HPF1: variants seen among roughly 807,000 people sequenced by gnomAD.
The protein encoded by HPF1 is histone PARylation factor 1.
In HPF1, 35 loss-of-function variants were observed where a neutral mutation model predicts 38.8. That is an observed-to-expected ratio of 0.90 (90% CI 0.69 to 1.19). The LOEUF is 1.19. Among genes scored for constraint, HPF1 ranks in the 50% most tolerant of loss-of-function variants. The pLI, the probability that HPF1 is intolerant of heterozygous loss-of-function variation, is 0.00. For missense variants in HPF1, 367 were observed against 405.8 expected (o/e 0.90, Z 0.82); for synonymous variants, 115 against 139.2 (o/e 0.83, Z 1.22).
intron 5 of HPF1, among the ~76,000 whole-genome samples, chr4:169,740,882 G>A (rs1733960675): frequency 6.6e-6 from 1 of 152,164 alleles, no homozygotes; most frequent in African/African-American, 2.4e-5. Context: ...TTTGCTAACA[G>A]CTATTATGTG....
At chr4:169,744,032 T>G (rs1734013662) in intron 4 of HPF1, among the ~76,000 whole-genome samples, 1 of 152,216 alleles carries the variant, frequency 6.6e-6, no homozygotes, top group Non-Finnish European at 1.5e-5. Context: ...ACGGTTACAC[T>G]AAATCTTACC....
At chr4:169,754,904 T>C (rs1734166958) in intron 1 of HPF1, among the ~76,000 whole-genome samples, 1 of 151,918 alleles carries the variant, frequency 6.6e-6, no homozygotes, top group African/African-American at 2.4e-5. Flanking sequence ...ATGTTTCTCA[T>C]ATTTATATAT....
intron 4 of HPF1, 57 bp downstream of exon 4, chr4:169,748,687 G>T: frequency 3.6e-6 from 3 of 832,650 alleles, no homozygotes; most frequent in Non-Finnish European, 5.6e-6. Flanking sequence ...AACCCCCTTT[G>T]TAATGGACTA....
intron 4 of HPF1, among the ~76,000 whole-genome samples, chr4:169,748,264 G>A (rs1412383953): frequency 6.6e-6 from 1 of 152,112 alleles, no homozygotes; most frequent in Admixed American, 6.6e-5. Context: ...CATAAGAGGT[G>A]TATTTTTTTG....
chr4:169,732,081 G>GC, intron 6 of HPF1: 1 of 456,684 alleles, frequency 2.2e-6, no homozygotes, highest in Non-Finnish European at 3.9e-6. Context: ...CTTAAAAACA[G>GC]GTTAACAAGT....
chr4:169,731,971 T>C (rs1213315061), intron 6 of HPF1, 95 bp from the exon 7 acceptor site: 4 of 1,012,394 alleles, frequency 4.0e-6, no homozygotes, highest in Non-Finnish European at 5.9e-6. Context: ...TTTTTCCTCC[T>C]AAGACTTTGT....
At chr4:169,742,692 T>C (rs1733990497) in intron 4 of HPF1, among the ~76,000 whole-genome samples, 1 of 152,136 alleles carries the variant, frequency 6.6e-6, no homozygotes, top group Non-Finnish European at 1.5e-5. Flanking sequence ...CTTGGGAGGC[T>C]GAGGCAGGAG....
At chr4:169,731,543 A>T (rs1581311124) in intron 7 of HPF1, among the ~76,000 whole-genome samples, 161 bp downstream of exon 7, 1 of 152,204 alleles carries the variant, frequency 6.6e-6, no homozygotes. Context: ...GTTAAAAAAA[A>T]TCACTTCAAA....
At chr4:169,738,740 C>T (rs1463611457) in intron 5 of HPF1, among the ~76,000 whole-genome samples, 1 of 152,132 alleles carries the variant, frequency 6.6e-6, no homozygotes, top group East Asian at 1.9e-4. Flanking sequence ...AGATAATCTG[C>T]AGCTGGATTT....
At chr4:169,757,261 GT>G (rs887456180) in intron 1 of HPF1, among the ~76,000 whole-genome samples, 1 of 152,122 alleles carries the variant, frequency 6.6e-6, no homozygotes, top group African/African-American at 2.4e-5. Context: ...ATCTCCTACA[GT>G]TTTATGTCTC....
chr4:169,750,490 A>G, intron 3 of HPF1, 46 bp downstream of exon 3: 1 of 1,383,012 alleles, frequency 7.2e-7, no homozygotes, highest in Non-Finnish European at 1.0e-6. Context: ...TATCCTCATT[A>G]GCAGGACAGC....
rs1255888093 is a variant in HPF1, at chr4:169,729,715, A to G, written c.910-6T>C. The G allele has an allele frequency of 6.7e-7, 1 of 1,488,728 alleles. No individual in the cohort carries two copies. The highest frequency in any genetic ancestry group is 2.5e-5 in the East Asian group (1 of 40,190). The allele number at this position is 1,488,728 out of a possible 1,614,324, so 92.2% of individuals were successfully genotyped here. ...CCAGCAACTTTATGAAAATACTGAA[A>G]AATAAAAATATAACATTAAGCAGAG... On this transcript the variant is annotated splice_polypyrimidine_tract_variant and splice_region_variant and intron_variant, in intron 7 of 7. Coordinates refer to ENST00000393381, the MANE Select transcript of HPF1 (RefSeq NM_017867.3).
chr4:169,743,480 GA>G (rs1241753923), intron 4 of HPF1, among the ~76,000 whole-genome samples: 3 of 133,724 alleles, frequency 2.2e-5, no homozygotes, highest in Non-Finnish European at 3.1e-5. Context: ...AAGGTCGATA[GA>G]TTTTTTTTTT....
intron 1 of HPF1, 26 bp from the exon 2 acceptor site, chr4:169,753,861 T>G: frequency 6.3e-7 from 1 of 1,586,112 alleles, no homozygotes; most frequent in Non-Finnish European, 8.6e-7. Flanking sequence ...CAAACTTTAG[T>G]TCTCCAAATT....
At chr4:169,733,948 T>C (rs1733862857) in intron 6 of HPF1, among the ~76,000 whole-genome samples, 1 of 151,514 alleles carries the variant, frequency 6.6e-6, no homozygotes, top group Admixed American at 6.6e-5. Flanking sequence ...TACTATATAC[T>C]AGTGCTTTTA....
In HPF1 at chr4:169,750,689, C is replaced by G. The variant is rs188833461; in HGVS notation, c.245G>C (p.Gly82Ala). 12 of 1,612,688 alleles carry G rather than the reference C, an allele frequency of 7.4e-6. No individual in the cohort carries two copies. The African/African-American group carries it at 1.2e-4, about 16-fold the overall frequency. ...TTTTCCAGCAAGGATATCATAAGGA[C>G]CAACTAATTGAAGTCCAAGGCTTGC... ...LSASLGLQLV[G>A]PYDILAGKHK... Residue 82 changes from glycine to alanine, a missense_variant, in exon 3 of 8, where the codon GGT becomes GCT. Physicochemically the swap from Gly to Ala is moderately conservative, Grantham distance 60. Transcript: ENST00000393381.
intron 3 of HPF1, among the ~76,000 whole-genome samples, chr4:169,750,060 T>C (rs1432520929): frequency 1.3e-5 from 2 of 152,262 alleles, no homozygotes; most frequent in African/African-American, 4.8e-5. Context: ...GTATTCTGCA[T>C]GCATTCATTT....
At chr4:169,747,398 G>A (rs890256558) in intron 4 of HPF1, among the ~76,000 whole-genome samples, 7 of 152,084 alleles carry the variant, frequency 4.6e-5, no homozygotes, top group Non-Finnish European at 8.8e-5. Context: ...CAGTATGTAC[G>A]TAGCATAGTC....
chr4:169,737,986 C>A (rs1455999189), intron 5 of HPF1, among the ~76,000 whole-genome samples: 1 of 150,974 alleles, frequency 6.6e-6, no homozygotes, highest in African/African-American at 2.4e-5. Context: ...TTAATTGTGC[C>A]AGTCACTTGG....
Sources: allele counts gnomAD v4.1 joint callset (sites outside exome capture counted in the v4.1 genomes callset), GRCh38; gene constraint gnomAD v4.1.1; transcripts MANE v1.5; gene names NCBI Gene and HGNC (gene_info 2026-07-23, HGNC 2026-07-21).